Variants in MAGI2 observed in about 807,000 individuals in gnomAD.
The protein encoded by MAGI2 is membrane-associated guanylate kinase, WW and PDZ domain-containing protein 2.
Under a neutral mutation model 133.3 loss-of-function variants are expected in MAGI2, and 35 were observed. The observed-to-expected ratio is 0.26, with a 90% CI of 0.20 to 0.35. The LOEUF is 0.35. Among genes scored for constraint, MAGI2 ranks in the 10% least tolerant of loss-of-function variants. The probability of loss-of-function intolerance (pLI) is 1.00; values close to 1 mark genes in which losing one functional copy is unlikely to be tolerated. For synonymous variants in MAGI2, 729 were observed against 710.6 expected (o/e 1.03, Z -0.41); for missense variants, 1,636 against 1,863.4 (o/e 0.88, Z 2.25).
chr7:78,710,916 T>TA (rs1819121103), intron 2 of MAGI2, among the ~76,000 whole-genome samples: 1 of 152,180 alleles, frequency 6.6e-6, no homozygotes, highest in Non-Finnish European at 1.5e-5. Context: ...AGAAAATACT[T>TA]AAACAACTTT....
chr7:79,405,341 G>A lies in MAGI2; in HGVS notation c.301+47679C>T, dbSNP rs73706430. On this transcript the variant is annotated intron_variant, in intron 1 of 21. Coordinates refer to ENST00000354212, the MANE Select transcript of MAGI2 (RefSeq NM_012301.4). Reference sequence around the variant, plus strand: ...TGTTATCATTCATAAAGTAAATCAGGGAACCTTGTTCTTCCTTCTCTGCAT... The same window carrying A: ...TGTTATCATTCATAAAGTAAATCAGAGAACCTTGTTCTTCCTTCTCTGCAT... 3.6e-3 allele frequency among the ~76,000 whole-genome samples: 542 copies of A among 152,106 alleles called. 5 individuals carry two copies. The highest frequency in any genetic ancestry group is 0.013 in the African/African-American group (532 of 41,506).
rs551606975 is a variant in MAGI2, at chr7:78,549,946, T to C, written c.539-28301A>G. Among the ~76,000 whole-genome samples, 24 of 152,256 alleles carry C rather than the reference T, an allele frequency of 1.6e-4. No individual in the cohort carries two copies. In the South Asian group the frequency reaches 4.1e-3, roughly 26 times the overall value. On this transcript the variant is annotated intron_variant, in intron 3 of 21. Transcript: ENST00000354212. ...TATTTGTCCCTCCTATCCTTGATAG[T>C]GTTAGGAGGTGAGGCCTTTGGGAAA...
intron 13 of MAGI2, chr7:78,185,424 G>A (rs998486005): frequency 4.9e-6 from 2 of 407,332 alleles, no homozygotes; most frequent in Non-Finnish European, 8.8e-6. Flanking sequence ...TCATGAATAT[G>A]ACTGTTTTCC....
At chr7:78,904,893 G>A (rs922611471) in intron 2 of MAGI2, among the ~76,000 whole-genome samples, 7 of 152,122 alleles carry the variant, frequency 4.6e-5, no homozygotes, top group African/African-American at 1.4e-4. Context: ...TCTTCAGTTC[G>A]ATGGCACAAA....
intron 2 of MAGI2, among the ~76,000 whole-genome samples, chr7:78,924,293 C>T (rs1313035089): frequency 6.6e-6 from 1 of 152,052 alleles, no homozygotes; most frequent in East Asian, 1.9e-4. Context: ...GGGAATGTTT[C>T]CAGTTGTTGC....
chr7:78,301,723 C>A (rs979953097), intron 9 of MAGI2, among the ~76,000 whole-genome samples: 1 of 152,158 alleles, frequency 6.6e-6, no homozygotes, highest in African/African-American at 2.4e-5. Context: ...GCATTTGCAT[C>A]CAATACCAAT....
intron 1 of MAGI2, among the ~76,000 whole-genome samples, chr7:79,044,040 A>G (rs1009293284): frequency 6.6e-6 from 1 of 152,146 alleles, no homozygotes; most frequent in East Asian, 1.9e-4. Context: ...CTATTTCAAA[A>G]AATTGAGGAG....
At chr7:78,870,049 T>G (rs1794903563) in intron 2 of MAGI2, among the ~76,000 whole-genome samples, 1 of 152,156 alleles carries the variant, frequency 6.6e-6, no homozygotes, top group African/African-American at 2.4e-5. Context: ...TTGTTCTTTT[T>G]GCTTAGTCTT....
chr7:79,050,636 G>A (rs1006767574), intron 1 of MAGI2, among the ~76,000 whole-genome samples: 2 of 152,110 alleles, frequency 1.3e-5, no homozygotes, highest in East Asian at 3.9e-4. Context: ...TCCTGCCTCA[G>A]CCTCCCAAAG....
In MAGI2 at chr7:78,746,027, C is replaced by T. The variant is rs909300116; in HGVS notation, c.419-118788G>A. Reference sequence around the variant, plus strand: ...ATTTCCTCTATATACCATCTGAGCTCAGCTAGGCTGTAGAAACCAGCCACC... The same window carrying T: ...ATTTCCTCTATATACCATCTGAGCTTAGCTAGGCTGTAGAAACCAGCCACC... On this transcript the variant is annotated intron_variant, in intron 2 of 21. Coordinates refer to ENST00000354212, the MANE Select transcript of MAGI2 (RefSeq NM_012301.4). 2.0e-5 allele frequency among the ~76,000 whole-genome samples: 3 copies of T among 152,172 alleles called. No individual in the cohort carries two copies. In the East Asian group the frequency reaches 5.8e-4, roughly 29 times the overall value.
intron 3 of MAGI2, among the ~76,000 whole-genome samples, chr7:78,593,121 CCT>C (rs1042950565): frequency 1.6e-4 from 7 of 43,770 alleles, no homozygotes; most frequent in Non-Finnish European, 2.5e-4. Context: ...GCACCTGGCC[CCT>C]GATTTTTTTT....
chr7:79,039,329 T>C (rs944499596), intron 1 of MAGI2, among the ~76,000 whole-genome samples: 13 of 152,156 alleles, frequency 8.5e-5, no homozygotes, highest in African/African-American at 2.9e-4. Flanking sequence ...CCTCTTTTTA[T>C]TAAAATAAAT....
At chr7:78,767,929 C>A (rs548933946) in intron 2 of MAGI2, among the ~76,000 whole-genome samples, 2 of 152,332 alleles carry the variant, frequency 1.3e-5, no homozygotes, top group Middle Eastern at 3.4e-3. Context: ...TCAGGTAGCA[C>A]ATAAATCTCA....
intron 1 of MAGI2, among the ~76,000 whole-genome samples, chr7:79,107,517 G>A (rs1231658059): frequency 1.4e-4 from 22 of 152,206 alleles, no homozygotes. Context: ...GATCTGTGAT[G>A]CACAAAAATT....
chr7:79,095,481 C>G (rs1817438603), intron 1 of MAGI2, among the ~76,000 whole-genome samples: 1 of 152,166 alleles, frequency 6.6e-6, no homozygotes, highest in Non-Finnish European at 1.5e-5. Context: ...CCTCACTAAG[C>G]CTAATCATTT....
intron 21 of MAGI2, among the ~76,000 whole-genome samples, chr7:78,043,247 G>GT (rs991950025): frequency 7.2e-5 from 11 of 152,044 alleles, no homozygotes; most frequent in Non-Finnish European, 1.0e-4. Context: ...TAAAAATAGT[G>GT]TTTTTTTTGA....
At chr7:79,142,992 A>C (rs1197228697) in intron 1 of MAGI2, among the ~76,000 whole-genome samples, 1 of 152,226 alleles carries the variant, frequency 6.6e-6, no homozygotes, top group Non-Finnish European at 1.5e-5. Context: ...ATGACATTTC[A>C]GGCAACGCCA....
chr7:78,630,852 T>A (rs923320948), intron 2 of MAGI2, among the ~76,000 whole-genome samples: 1 of 152,202 alleles, frequency 6.6e-6, no homozygotes, highest in Non-Finnish European at 1.5e-5. Context: ...TTTATCAAGT[T>A]TATCCTATTG....
chr7:79,393,532 G>A (rs978703378), intron 1 of MAGI2, among the ~76,000 whole-genome samples: 2 of 152,010 alleles, frequency 1.3e-5, no homozygotes, highest in Non-Finnish European at 2.9e-5. Context: ...TTAACATATA[G>A]CTGAACAAAG....
Sources: allele counts gnomAD v4.1 joint callset (sites outside exome capture counted in the v4.1 genomes callset), GRCh38; gene constraint gnomAD v4.1.1; transcripts MANE v1.5; gene names NCBI Gene and HGNC (gene_info 2026-07-23, HGNC 2026-07-21).